The following SLIT3 variants were observed in gnomAD, a reference collection of about 807,000 sequenced individuals.
SLIT3 encodes slit guidance ligand 3.
In SLIT3, 68 loss-of-function variants were observed where a neutral mutation model predicts 184.0. That is an observed-to-expected ratio of 0.37 (90% CI 0.30 to 0.45). The LOEUF (loss-of-function observed/expected upper bound fraction) is 0.45, where lower values mean the gene tolerates loss of function less well. SLIT3 is among the 20% of genes least tolerant of loss of function. The pLI, the probability that SLIT3 is intolerant of heterozygous loss-of-function variation, is 1.00. For synonymous variants in SLIT3, 831 were observed against 828.6 expected (o/e 1.00, Z -0.05); for missense variants, 1,707 against 2,026.0 (o/e 0.84, Z 3.02).
chr5:168,745,732 A>T (rs1763777384), intron 20 of SLIT3, among the ~76,000 whole-genome samples: 2 of 152,300 alleles, frequency 1.3e-5, no homozygotes, highest in Middle Eastern at 3.4e-3. Flanking sequence ...TTTTAAAAGA[A>T]CTTCTACTAT....
chr5:169,083,396 T>TG (rs1241876838), intron 4 of SLIT3, among the ~76,000 whole-genome samples: 1 of 152,134 alleles, frequency 6.6e-6, no homozygotes, highest in East Asian at 1.9e-4. Context: ...GAAAGTGAAA[T>TG]GGGGCGTTAG....
chr5:168,845,623 G>T (rs1038088088), intron 5 of SLIT3, among the ~76,000 whole-genome samples: 3 of 151,592 alleles, frequency 2.0e-5, no homozygotes, highest in Admixed American at 6.6e-5. Flanking sequence ...CAGATACCAG[G>T]GTTTTTTTTT....
At chr5:168,804,774 C>T (rs566276170) in intron 9 of SLIT3, among the ~76,000 whole-genome samples, 5 of 152,288 alleles carry the variant, frequency 3.3e-5, no homozygotes, top group Non-Finnish European at 7.4e-5. Context: ...GTCTCCACTC[C>T]ACTGTGGTAA....
intron 4 of SLIT3, among the ~76,000 whole-genome samples, chr5:169,064,834 T>A (rs1758292477): frequency 6.6e-6 from 1 of 152,226 alleles, no homozygotes; most frequent in Non-Finnish European, 1.5e-5. Flanking sequence ...ACGTTACACC[T>A]ATGAGGGACC....
chr5:168,945,763 A>C (rs1252731642), intron 4 of SLIT3, among the ~76,000 whole-genome samples: 1 of 152,250 alleles, frequency 6.6e-6, no homozygotes, highest in Non-Finnish European at 1.5e-5. Flanking sequence ...AACAAAACGC[A>C]TGCATATGTG....
intron 4 of SLIT3, among the ~76,000 whole-genome samples, chr5:168,977,745 T>C (rs997132203): frequency 6.6e-6 from 1 of 152,142 alleles, no homozygotes; most frequent in Non-Finnish European, 1.5e-5. Flanking sequence ...ATAAATGCTT[T>C]TTTTTTTAAG....
At chr5:169,061,263 G>C (rs1428164726) in intron 4 of SLIT3, among the ~76,000 whole-genome samples, 1 of 152,150 alleles carries the variant, frequency 6.6e-6, no homozygotes, top group Non-Finnish European at 1.5e-5. Flanking sequence ...TCAGCAGTTT[G>C]GTCCAAGGGA....
At chr5:168,961,604 A>G (rs1227890904) in intron 4 of SLIT3, among the ~76,000 whole-genome samples, 2 of 152,222 alleles carry the variant, frequency 1.3e-5, no homozygotes, top group East Asian at 3.9e-4. Context: ...TTGATCTGAG[A>G]ACAAGGTGAA....
intron 4 of SLIT3, among the ~76,000 whole-genome samples, chr5:169,166,297 G>C (rs1232821069): frequency 6.6e-6 from 1 of 152,150 alleles, no homozygotes; most frequent in Non-Finnish European, 1.5e-5. Context: ...GAAAAGGGCT[G>C]CCTGGTGAAT....
intron 26 of SLIT3, among the ~76,000 whole-genome samples, chr5:168,701,464 C>T (rs1762210307): frequency 6.6e-6 from 1 of 152,156 alleles, no homozygotes; most frequent in African/African-American, 2.4e-5. Flanking sequence ...GGAGCAGGCC[C>T]CTCTGAAGGG....
At chr5:168,986,658 C>G (rs115457292) in intron 4 of SLIT3, among the ~76,000 whole-genome samples, 6,138 of 152,234 alleles carry the variant, frequency 0.04, 157 homozygotes, top group Non-Finnish European at 0.057. Context: ...TTCTCCACCA[C>G]AAGCAGTTTT....
chr5:168,963,627 C>T (rs756807345), intron 4 of SLIT3, among the ~76,000 whole-genome samples: 4 of 152,304 alleles, frequency 2.6e-5, no homozygotes, highest in Non-Finnish European at 5.9e-5. Flanking sequence ...GTCAACTCTA[C>T]GAGGGCAGAG....
At chr5:168,979,858 T>C (rs1581264566) in intron 4 of SLIT3, among the ~76,000 whole-genome samples, 1 of 152,198 alleles carries the variant, frequency 6.6e-6, no homozygotes, top group Middle Eastern at 3.4e-3. Context: ...CCTTCGTAGG[T>C]TTTCAACCAA....
intron 4 of SLIT3, among the ~76,000 whole-genome samples, chr5:169,156,547 G>A (rs1269583159): frequency 6.6e-6 from 1 of 152,176 alleles, no homozygotes; most frequent in Admixed American, 6.5e-5. Context: ...GCCCTGTCTG[G>A]GCTGTTTTTT....
intron 4 of SLIT3, among the ~76,000 whole-genome samples, chr5:169,171,204 GT>G (rs1179270816): frequency 2.0e-5 from 3 of 152,174 alleles, no homozygotes; most frequent in Non-Finnish European, 4.4e-5. Context: ...CATAGCTAGT[GT>G]TTACTGAACA....
rs1294888681 is a variant in SLIT3, at chr5:169,228,686, G to T, written c.341+16019C>A. Among the ~76,000 whole-genome samples, 3 of 152,246 alleles carry T rather than the reference G, an allele frequency of 2.0e-5. No homozygotes were observed. The South Asian group carries it at 6.2e-4, about 32-fold the overall frequency. On this transcript the variant is annotated intron_variant, in intron 3 of 35. Transcript: ENST00000519560. ...GAATACAAATTTTTTTAAAACATGAGAATTAAAGCATACTGGAATGTCTTC... is the reference window on the plus strand; with the variant it reads ...GAATACAAATTTTTTTAAAACATGATAATTAAAGCATACTGGAATGTCTTC...
chr5:169,147,459 T>C (rs947286637), intron 4 of SLIT3, among the ~76,000 whole-genome samples: 4 of 152,042 alleles, frequency 2.6e-5, no homozygotes, highest in African/African-American at 9.7e-5. Flanking sequence ...CAGGGTTTGA[T>C]CGTGTTAGCC....
chr5:169,203,531 G>T (rs1763970802), intron 3 of SLIT3, among the ~76,000 whole-genome samples: 2 of 152,246 alleles, frequency 1.3e-5, no homozygotes, highest in South Asian at 4.1e-4. Flanking sequence ...TCACAATGCG[G>T]CCAAGAAAGC....
At chr5:169,160,865 A>G (rs1189443802) in intron 4 of SLIT3, among the ~76,000 whole-genome samples, 2 of 152,146 alleles carry the variant, frequency 1.3e-5, no homozygotes, top group African/African-American at 4.8e-5. Flanking sequence ...CCAGGTCAGC[A>G]TTTCCCTTTT....
Sources: gnomAD v4.1 joint callset for allele counts (sites outside exome capture counted in the v4.1 genomes callset) on GRCh38, gnomAD v4.1.1 for gene constraint, MANE v1.5 for transcripts, NCBI Gene and HGNC (gene_info 2026-07-23, HGNC 2026-07-21) for gene names.